UBA5: variants seen among roughly 807,000 people sequenced by gnomAD.
UBA5 encodes the protein ubiquitin-like modifier-activating enzyme 5.
A neutral mutation model predicts 52.9 loss-of-function variants in UBA5; 28 were observed. The ratio of observed to expected loss-of-function variants is 0.53; its 90% CI spans 0.39 to 0.73. UBA5 has a LOEUF of 0.73. UBA5 is among the 30% of genes least tolerant of loss of function. UBA5 has a pLI of 0.00. For missense variants in UBA5, 388 were observed against 492.7 expected, an observed-to-expected ratio of 0.79 and a Z score of 2.01; for synonymous variants, 135 against 162.1, an observed-to-expected ratio of 0.83 and a Z score of 1.27.
rs1938667754 is a variant in UBA5, at chr3:132,672,940, C to T, written c.812+763C>T. On this transcript the variant is annotated intron_variant, in intron 8 of 11. Transcript: ENST00000356232. Reference sequence around the variant, plus strand: ...CTAATTCAGGCTATTTATTTTCCCTCATTTTACAACTTTAATAAGCTTAGT... The same window carrying T: ...CTAATTCAGGCTATTTATTTTCCCTTATTTTACAACTTTAATAAGCTTAGT... Among the ~76,000 whole-genome samples, 3 of 152,276 alleles carry T rather than the reference C, an allele frequency of 2.0e-5. No homozygotes were observed. The South Asian group carries it at 6.2e-4, about 32-fold the overall frequency.
upstream of UBA5, among the ~76,000 whole-genome samples, chr3:132,659,011 G>C (rs1285220057): frequency 6.6e-6 from 1 of 152,104 alleles, no homozygotes; most frequent in African/African-American, 2.4e-5. Context: ...TTAGAATAAA[G>C]TTTTAAGAAT....
upstream of UBA5, chr3:132,659,589 G>A (rs372907693): frequency 6.2e-7 from 1 of 1,608,602 alleles, no homozygotes; most frequent in Non-Finnish European, 8.5e-7. Flanking sequence ...GGAGGCAAAG[G>A]CTGACATCCA....
At chr3:132,660,304 G>T (rs1938075367), upstream of UBA5, 3 of 599,856 alleles carry the variant, frequency 5.0e-6, no homozygotes, top group Non-Finnish European at 8.7e-6. This position sits in a 1 kb window ranked among gnomAD's most constrained non-coding sequence, Gnocchi z 4.1. Flanking sequence ...CCAGGTTTTT[G>T]ATGAGGGGGA....
intron 4 of UBA5, 104 bp from the exon 5 acceptor site, chr3:132,670,094 A>C: frequency 1.6e-6 from 1 of 626,674 alleles, no homozygotes; most frequent in Non-Finnish European, 2.8e-6. Flanking sequence ...GTGCGATGAT[A>C]GCTCGCTGTA....
upstream of UBA5, chr3:132,659,358 C>CCT (rs1353086016): frequency 5.8e-6 from 3 of 512,832 alleles, no homozygotes; most frequent in African/African-American, 4.0e-5. Context: ...CATCCTTTAA[C>CCT]AAAGATTCCT....
chr3:132,669,192 A>C (rs1027450286), intron 4 of UBA5, among the ~76,000 whole-genome samples: 46 of 152,310 alleles, frequency 3.0e-4, no homozygotes, highest in African/African-American at 1.1e-3. Flanking sequence ...AACATGAATG[A>C]GCATGTCTGT....
Position 132,670,948 on chromosome 3 carries a change from T to G in UBA5, c.495-17T>G. The G allele has an allele frequency of 2.5e-6, 4 of 1,606,588 alleles. No individual in the cohort carries two copies. The highest frequency in any genetic ancestry group is 3.4e-6 in the Non-Finnish European group (4 of 1,173,522). The stretch of plus-strand genomic sequence containing the variant: ...TTTTGTGTCCTGATGTTTTTCAAAC[T>G]TATTTTCTTTGACTAGTAATGGTGG... On this transcript the variant is annotated splice_polypyrimidine_tract_variant and intron_variant, in intron 5 of 11. Transcript: ENST00000356232.
At chr3:132,675,193 C>A in intron 8 of UBA5, 55 bp from the exon 9 acceptor site, 1 of 1,313,746 alleles carries the variant, frequency 7.6e-7, no homozygotes, top group Non-Finnish European at 1.1e-6. Flanking sequence ...TTTAGGTGTT[C>A]TAGTATTTTT....
intron 8 of UBA5, among the ~76,000 whole-genome samples, 188 bp from the exon 9 acceptor site, chr3:132,675,060 T>C (rs1051114432): frequency 2.0e-5 from 3 of 152,184 alleles, no homozygotes; most frequent in Admixed American, 6.5e-5. Flanking sequence ...CAATAAACAC[T>C]GAAGTATCTA....
At chr3:132,655,091 C>T (rs1559981590) in intron 1 of UBA5, among the ~76,000 whole-genome samples, 1 of 152,176 alleles carries the variant, frequency 6.6e-6, no homozygotes, top group African/African-American at 2.4e-5. Flanking sequence ...TCTAATGGGA[C>T]CACTGCCGTA....
chr3:132,670,175 A>G, intron 4 of UBA5, 23 bp from the exon 5 acceptor site: 1 of 1,168,622 alleles, frequency 8.6e-7, no homozygotes, highest in Non-Finnish European at 1.3e-6. Context: ...CAGGCTTATA[A>G]TCATTCCCTT....
Position 132,679,011 on chromosome 3 carries a change from T to C in UBA5, c.*2485T>C, listed in dbSNP as rs1426703460. Among the ~76,000 whole-genome samples, 3 of 152,048 alleles carry C rather than the reference T, an allele frequency of 2.0e-5. No individual in the cohort carries two copies. Among genetic ancestry groups the C allele is most frequent in the East Asian group, 3.9e-4 (2 of 5,148 alleles). On this transcript the variant is annotated 3_prime_UTR_variant, in exon 12 of 12. Transcript: ENST00000356232. ...CACATTTTTTTCATATTTCCCTTTCTGTAATCTCAGCACTTTGGGAGGCTG... is the reference window on the plus strand; with the variant it reads ...CACATTTTTTTCATATTTCCCTTTCCGTAATCTCAGCACTTTGGGAGGCTG...
At chr3:132,665,135 T>G (rs1159321830) in intron 1 of UBA5, among the ~76,000 whole-genome samples, 1 of 152,042 alleles carries the variant, frequency 6.6e-6, no homozygotes, top group East Asian at 1.9e-4. Flanking sequence ...AAGAGCAAAA[T>G]CTGATTCACG....
At chr3:132,671,740 AT>A (rs778781211) in intron 6 of UBA5, 36 bp from the exon 7 acceptor site, 14 of 1,443,792 alleles carry the variant, frequency 9.7e-6, no homozygotes, top group Admixed American at 4.1e-5. Flanking sequence ...TTGCTCTTTT[AT>A]TTTTTTTCCT....
rs1938870899 is a variant in UBA5 at position 132,677,086 on chromosome 3, A to C, written c.*560A>C. 1 of 263,220 alleles carries C rather than the reference A, an allele frequency of 3.8e-6. No individual in the cohort carries two copies. The highest frequency in any genetic ancestry group is 4.3e-5 in the Admixed American group (1 of 23,434). The allele number at this position is 263,220 out of a possible 1,614,324, so 16.3% of individuals were successfully genotyped here. On this transcript the variant is annotated 3_prime_UTR_variant, in exon 12 of 12. Coordinates refer to ENST00000356232, the MANE Select transcript of UBA5 (RefSeq NM_024818.6). ...CATCCTCTCAAATGTTTGCTGATGAAGTACAAGTTGAAATGTAGTTATTGG... is the reference window on the plus strand; with the variant it reads ...CATCCTCTCAAATGTTTGCTGATGACGTACAAGTTGAAATGTAGTTATTGG...
intron 6 of UBA5, among the ~76,000 whole-genome samples, 174 bp from the exon 7 acceptor site, chr3:132,671,600 CTCT>C (rs1938605323): frequency 6.6e-6 from 1 of 152,154 alleles, no homozygotes; most frequent in Non-Finnish European, 1.5e-5. Flanking sequence ...TGTCACTCTA[CTCT>C]TTAAATAGAG....
At chr3:132,668,754 TA>T in intron 3 of UBA5, 63 bp from the exon 4 acceptor site, 1 of 1,030,860 alleles carries the variant, frequency 9.7e-7, no homozygotes, top group Non-Finnish European at 1.4e-6. Context: ...CTCTCTAATT[TA>T]TTTTTTGATA....
In UBA5 at chr3:132,672,116, G is replaced by A. The variant is rs1463291547; in HGVS notation, c.751G>A (p.Ala251Thr). ...EKTLKREGVC[A>T]ASLPTTMGVV... ...GACTCTGAAACGAGAAGGTGTTTGT[G>A]CAGCCAGTCTTCCTACCACTATGGG... Residue 251 changes from alanine (A) to threonine (T), a missense_variant, in exon 8 of 12, where the codon GCA becomes ACA. Ala to Thr is a moderately conservative substitution (Grantham distance 58). Coordinates refer to ENST00000356232, the MANE Select transcript of UBA5 (RefSeq NM_024818.6). The A allele has an allele frequency of 6.2e-7, 1 of 1,613,840 alleles. No homozygotes were observed. Among genetic ancestry groups the A allele is most frequent in the Non-Finnish European group, 8.5e-7 (1 of 1,179,942 alleles).
chr3:132,660,434 C>A lies in UBA5; in HGVS notation c.-104C>A. ...GGGCTCTGGGCTAGGAAGGCAGCGG[C>A]GAGGTGCCTCCCCACGTACCCCTCG... On this transcript the variant is annotated 5_prime_UTR_variant, in exon 1 of 12. Transcript: ENST00000356232. The surrounding 1 kb of genome is among the most constrained non-coding windows in gnomAD (Gnocchi z 4.1). 7.0e-7 allele frequency: 1 copy of A among 1,419,744 alleles called. No individual in the cohort carries two copies. The highest frequency in any genetic ancestry group is 9.5e-7 in the Non-Finnish European group (1 of 1,052,808). The allele number at this position is 1,419,744 out of a possible 1,614,324, so 87.9% of individuals were successfully genotyped here.
Sources: allele counts gnomAD v4.1 joint callset (sites outside exome capture counted in the v4.1 genomes callset), GRCh38; gene constraint gnomAD v4.1.1; non-coding constraint Gnocchi (gnomAD v3.1); transcripts MANE v1.5; gene names NCBI Gene and HGNC (gene_info 2026-07-23, HGNC 2026-07-21).